ZNF680: variants seen among roughly 807,000 people sequenced by gnomAD.
The protein encoded by ZNF680 is hypothetical protein FLJ90430.
In ZNF680, 6 loss-of-function variants were observed where a neutral mutation model predicts 12.1. That is an observed-to-expected ratio of 0.49 (90% confidence interval 0.27 to 0.98). The LOEUF (loss-of-function observed/expected upper bound fraction) is 0.98, where lower values mean the gene tolerates loss of function less well. Ranked by LOEUF, ZNF680 falls within the 50% of genes least tolerant of loss-of-function variation. The pLI is 0.12. For synonymous variants in ZNF680, 170 were observed against 199.3 expected (o/e 0.85, Z 1.24); for missense variants, 561 against 616.3 (o/e 0.91, Z 0.95).
the ZNF680 span, among the ~76,000 whole-genome samples, chr7:64,509,244 C>G: frequency 6.6e-6 from 1 of 152,142 alleles, no homozygotes; most frequent in East Asian, 1.9e-4. Context: ...AATTTTTCTC[C>G]ATGGGGAGCC....
At chr7:64,526,274 T>A in intron 3 of ZNF680, 2 of 1,144,072 alleles carry the variant, frequency 1.7e-6, no homozygotes, top group Non-Finnish European at 1.1e-6. Flanking sequence ...AGTAATAAAA[T>A]TCCTAACCAA....
At chr7:64,533,953 G>C (rs889823530) in intron 3 of ZNF680, among the ~76,000 whole-genome samples, 2 of 152,088 alleles carry the variant, frequency 1.3e-5, no homozygotes, top group Non-Finnish European at 2.9e-5. Context: ...GGGAAAATTG[G>C]CTAGCCACAT....
the ZNF680 span, among the ~76,000 whole-genome samples, chr7:64,499,543 G>A: frequency 1.1e-4 from 16 of 152,202 alleles, no homozygotes; most frequent in African/African-American, 3.6e-4. Context: ...AGATCACGAG[G>A]TCAGGAGTTC....
intron 3 of ZNF680, among the ~76,000 whole-genome samples, chr7:64,531,918 C>T (rs13246918): frequency 0.32 from 48,194 of 151,834 alleles, 8,635 homozygotes; most frequent in African/African-American, 0.47. Context: ...CCAAATGCAA[C>T]AGAAGAAAGG....
At chr7:64,533,070 T>G (rs1443957152) in intron 3 of ZNF680, among the ~76,000 whole-genome samples, 1 of 152,112 alleles carries the variant, frequency 6.6e-6, no homozygotes, top group African/African-American at 2.4e-5. Context: ...TAATACTGAA[T>G]GGGAAAAAAG....
chr7:64,556,542 A>T (rs1787424425), intron 1 of ZNF680, among the ~76,000 whole-genome samples: 1 of 152,064 alleles, frequency 6.6e-6, no homozygotes, highest in African/African-American at 2.4e-5. Context: ...AGAATTCCCT[A>T]TTTAATAAAT....
In ZNF680 at chr7:64,527,687, C is replaced by T. The variant is rs151296212; in HGVS notation, c.254-5187G>A. Among the ~76,000 whole-genome samples the T allele has an allele frequency of 2.9e-3, 433 of 151,696 alleles. 1 individual carries two copies. Among genetic ancestry groups the T allele is most frequent in the African/African-American group, 0.01 (417 of 41,352 alleles). Reference sequence around the variant, plus strand: ...TCCGGCCTGAGCAACAACAGCAAAACTCTGTCTCCAAAAAAAAAAAAAGTG... The same window carrying T: ...TCCGGCCTGAGCAACAACAGCAAAATTCTGTCTCCAAAAAAAAAAAAAGTG... On this transcript the variant is annotated intron_variant, in intron 3 of 3. Transcript: ENST00000309683.
the ZNF680 span, among the ~76,000 whole-genome samples, chr7:64,514,643 CATA>C: frequency 3.3e-5 from 5 of 152,014 alleles, no homozygotes; most frequent in African/African-American, 4.8e-5. Context: ...TAATAAAACT[CATA>C]ATAAAAACTT....
chr7:64,561,881 G>A (rs1440951666), intron 1 of ZNF680, among the ~76,000 whole-genome samples: 3 of 145,740 alleles, frequency 2.1e-5, no homozygotes, highest in Non-Finnish European at 3.0e-5. Flanking sequence ...CTTGCAGTGA[G>A]CCGAGATCGC....
downstream of ZNF680, among the ~76,000 whole-genome samples, chr7:64,517,192 A>G (rs923746047): frequency 6.6e-6 from 1 of 152,116 alleles, no homozygotes; most frequent in Non-Finnish European, 1.5e-5. Flanking sequence ...AATAACATTG[A>G]TGGACCATTA....
At chr7:64,560,103 A>G (rs1584416259) in intron 1 of ZNF680, among the ~76,000 whole-genome samples, 1 of 136,002 alleles carries the variant, frequency 7.4e-6, no homozygotes, top group Admixed American at 8.1e-5. Context: ...AAATGTATTC[A>G]TTTTCTTTTC....
At chr7:64,533,339 T>C (rs1262866438) in intron 3 of ZNF680, among the ~76,000 whole-genome samples, 1 of 152,194 alleles carries the variant, frequency 6.6e-6, no homozygotes, top group Non-Finnish European at 1.5e-5. Flanking sequence ...AAGATTAATG[T>C]ACACAAACCA....
At chr7:64,529,224 C>A (rs1005748236) in intron 3 of ZNF680, among the ~76,000 whole-genome samples, 1 of 152,218 alleles carries the variant, frequency 6.6e-6, no homozygotes, top group Admixed American at 6.5e-5. Context: ...AACCAAAAAA[C>A]CAACTCTGGT....
chr7:64,561,619 T>C (rs1787737997), intron 1 of ZNF680, among the ~76,000 whole-genome samples: 1 of 152,142 alleles, frequency 6.6e-6, no homozygotes, highest in Admixed American at 6.6e-5. Flanking sequence ...CAAAAAATGA[T>C]TAATTAAAAT....
At chr7:64,541,324 G>A (rs1193117892) in intron 3 of ZNF680, among the ~76,000 whole-genome samples, 1 of 152,104 alleles carries the variant, frequency 6.6e-6, no homozygotes, top group Non-Finnish European at 1.5e-5. Context: ...AAATGTATAG[G>A]GAGAGTGACA....
intron 3 of ZNF680, among the ~76,000 whole-genome samples, chr7:64,528,593 C>G (rs1405992143): frequency 6.6e-6 from 1 of 152,152 alleles, no homozygotes; most frequent in Admixed American, 6.5e-5. Context: ...TTGGCAGAAG[C>G]AGCCATTATC....
chr7:64,556,855 A>G (rs766366939), intron 1 of ZNF680, among the ~76,000 whole-genome samples: 2 of 152,204 alleles, frequency 1.3e-5, no homozygotes, highest in Non-Finnish European at 2.9e-5. Context: ...CAAACTATCA[A>G]TAGAGTAAAC....
the ZNF680 span, chr7:64,501,795 A>C: frequency 1.5e-6 from 1 of 684,164 alleles, no homozygotes; most frequent in Non-Finnish European, 2.7e-6. Flanking sequence ...CTAAGATCAA[A>C]TTTTTTACCA....
chr7:64,535,407 G>A (rs1786107653), intron 3 of ZNF680, among the ~76,000 whole-genome samples: 1 of 131,334 alleles, frequency 7.6e-6, no homozygotes, highest in African/African-American at 2.8e-5. Flanking sequence ...AGGAAAGAAG[G>A]AAAGAAGGAA....
Sources: gnomAD v4.1 joint callset for allele counts (sites outside exome capture counted in the v4.1 genomes callset) on GRCh38, gnomAD v4.1.1 for gene constraint, MANE v1.5 for transcripts, NCBI Gene and HGNC (gene_info 2026-07-23, HGNC 2026-07-21) for gene names.